Variants in EEA1 observed in about 807,000 individuals in gnomAD.
EEA1 encodes early endosome antigen 1, 162kD.
A neutral mutation model predicts 209.2 loss-of-function variants in EEA1; 111 were observed. That is an observed-to-expected ratio of 0.53 (90% CI 0.45 to 0.62). The LOEUF (loss-of-function observed/expected upper bound fraction) is 0.62. Ranked by LOEUF, EEA1 falls within the 20% of genes least tolerant of loss-of-function variation. The probability of loss-of-function intolerance (pLI) is 0.00; values close to 1 mark genes in which losing one functional copy is unlikely to be tolerated. For missense variants in EEA1, 1,343 were observed against 1,530.8 expected (o/e 0.88, Z 2.05); for synonymous variants, 536 against 540.6 (o/e 0.99, Z 0.12).
At chr12:92,882,951 G>C (rs546802413) in intron 2 of EEA1, among the ~76,000 whole-genome samples, 6 of 152,272 alleles carry the variant, frequency 3.9e-5, no homozygotes, top group African/African-American at 1.2e-4. Flanking sequence ...ATGGATTACT[G>C]GGTTGAATGG....
chr12:92,868,013 A>C (rs1878476902), intron 2 of EEA1, among the ~76,000 whole-genome samples: 1 of 152,204 alleles, frequency 6.6e-6, no homozygotes, highest in African/African-American at 2.4e-5. Flanking sequence ...ACATTTAGGA[A>C]ACAGAAGGCT....
intron 21 of EEA1, among the ~76,000 whole-genome samples, chr12:92,790,684 G>C (rs1369821631): frequency 1.3e-5 from 2 of 152,220 alleles, no homozygotes; most frequent in South Asian, 2.1e-4. Context: ...ATGGAACCAA[G>C]TTGGAAAACA....
intron 11 of EEA1, among the ~76,000 whole-genome samples, chr12:92,832,065 G>A (rs1315218311): frequency 6.8e-6 from 1 of 147,962 alleles, no homozygotes; most frequent in Non-Finnish European, 1.5e-5. Context: ...CCGCAGTCCG[G>A]CCTGGGCGAC....
At chr12:92,814,776 C>T (rs919562331) in intron 15 of EEA1, among the ~76,000 whole-genome samples, 1 of 152,122 alleles carries the variant, frequency 6.6e-6, no homozygotes, top group Admixed American at 6.5e-5. Flanking sequence ...AATAATGTAC[C>T]TTGATGCTGT....
intron 15 of EEA1, among the ~76,000 whole-genome samples, chr12:92,814,223 T>C (rs1187436754): frequency 6.6e-6 from 1 of 152,166 alleles, no homozygotes; most frequent in Non-Finnish European, 1.5e-5. Context: ...TTTTTCTCAA[T>C]ATCAAAATAC....
At chr12:92,857,885 A>G (rs1877953852) in intron 3 of EEA1, among the ~76,000 whole-genome samples, 1 of 152,186 alleles carries the variant, frequency 6.6e-6, no homozygotes, top group Non-Finnish European at 1.5e-5. Flanking sequence ...TCTCCCCTTC[A>G]TTCATTTAGC....
intron 10 of EEA1, among the ~76,000 whole-genome samples, chr12:92,834,822 G>A (rs1226557374): frequency 6.6e-6 from 1 of 151,784 alleles, no homozygotes; most frequent in Non-Finnish European, 1.5e-5. Flanking sequence ...TTTTGTTTAG[G>A]AAAACATTTG....
At chr12:92,883,903 G>A in intron 2 of EEA1, 2 of 1,584,678 alleles carry the variant, frequency 1.3e-6, no homozygotes, top group Non-Finnish European at 1.7e-6. Context: ...CACGGACTGT[G>A]TGGTAATGAG....
At chr12:92,889,313 G>GA (rs574150522) in intron 2 of EEA1, among the ~76,000 whole-genome samples, 2 of 151,794 alleles carry the variant, frequency 1.3e-5, no homozygotes, top group East Asian at 3.9e-4. Flanking sequence ...AGAGAGGTAA[G>GA]AAAAAAACCA....
chr12:92,891,888 A>C (rs1879668249), intron 1 of EEA1, among the ~76,000 whole-genome samples, 167 bp from the exon 2 acceptor site: 1 of 152,214 alleles, frequency 6.6e-6, no homozygotes, highest in African/African-American at 2.4e-5. Flanking sequence ...ATGCTGTATC[A>C]AAATCTCTAT....
intron 9 of EEA1, among the ~76,000 whole-genome samples, chr12:92,848,663 T>C (rs569987301): frequency 6.0e-5 from 9 of 150,348 alleles, no homozygotes; most frequent in African/African-American, 2.2e-4. Context: ...TAAATTAGAG[T>C]AACTCCTAAA....
chr12:92,880,507 C>T (rs991068298), intron 2 of EEA1, among the ~76,000 whole-genome samples: 10 of 152,104 alleles, frequency 6.6e-5, no homozygotes, highest in African/African-American at 2.2e-4. Context: ...CGGAGTCTCA[C>T]TCTGTCGCCC....
rs1373952091 is a variant in EEA1 at position 92,857,423 on chromosome 12, A to T, written c.300+8T>A. On this transcript the variant is annotated splice_region_variant and intron_variant, in intron 4 of 28. Coordinates refer to ENST00000322349, the MANE Select transcript of EEA1 (RefSeq NM_003566.4). The stretch of plus-strand genomic sequence containing the variant: ...AAAATAAAAAGGTATAACAATTTTT[A>T]TTCTTACCTTAAGTGAAGCCTGTAG... 5.0e-6 allele frequency: 8 copies of T among 1,592,254 alleles called. No homozygotes were observed. Among genetic ancestry groups the T allele is most frequent in the Non-Finnish European group, 6.8e-6 (8 of 1,171,812 alleles).
chr12:92,865,593 G>C (rs894021111), intron 2 of EEA1, among the ~76,000 whole-genome samples: 7 of 151,860 alleles, frequency 4.6e-5, no homozygotes, highest in Non-Finnish European at 7.4e-5. Context: ...TTATTATATG[G>C]TTAAAACTAC....
intron 2 of EEA1, among the ~76,000 whole-genome samples, chr12:92,868,418 A>G (rs1161506927): frequency 6.6e-6 from 1 of 152,210 alleles, no homozygotes; most frequent in Admixed American, 6.5e-5. Context: ...AAAGCAAATG[A>G]AAAAGTGTTC....
intron 1 of EEA1, among the ~76,000 whole-genome samples, chr12:92,926,385 TGA>T (rs1170147050): frequency 5.3e-5 from 8 of 152,170 alleles, no homozygotes; most frequent in Admixed American, 4.6e-4. Flanking sequence ...ATATCTGTGC[TGA>T]GAAATAAGAT....
chr12:92,884,543 A>T lies in EEA1; in HGVS notation c.117+7086T>A, dbSNP rs576809525. The T allele has an allele frequency of 2.0e-6, 3 of 1,498,110 alleles. No homozygotes were observed. The South Asian group carries it at 3.4e-5, about 17-fold the overall frequency. 92.8% of individuals were successfully genotyped at this position (1,498,110 alleles called of 1,614,324 possible). A position where few individuals can be genotyped will look rare whatever the true frequency, so the allele number is the denominator to read the frequency against. On this transcript the variant is annotated intron_variant, in intron 2 of 28. Transcript: ENST00000322349. ...CTACAATGATTTTGGCAATTACAAC[A>T]ATCAGTCTTCAAATTTTGGACCCAT...
intron 2 of EEA1, among the ~76,000 whole-genome samples, chr12:92,880,805 G>GA (rs1379502498): frequency 2.6e-5 from 4 of 152,060 alleles, no homozygotes; most frequent in Admixed American, 6.5e-5. Flanking sequence ...TCCAATTCCA[G>GA]AAAAAATGGC....
chr12:92,793,091 T>C (rs1874487065), intron 21 of EEA1, among the ~76,000 whole-genome samples: 1 of 152,132 alleles, frequency 6.6e-6, no homozygotes, highest in Non-Finnish European at 1.5e-5. Flanking sequence ...GCCTTCATGC[T>C]AAAAACTCTC....
Sources: gnomAD v4.1 joint callset for allele counts (sites outside exome capture counted in the v4.1 genomes callset) on GRCh38, gnomAD v4.1.1 for gene constraint, MANE v1.5 for transcripts, NCBI Gene and HGNC (gene_info 2026-07-23, HGNC 2026-07-21) for gene names.